The following NME7 variants were observed in gnomAD, a reference collection of about 807,000 sequenced individuals.
NME7 encodes the protein nucleoside diphosphate kinase 7.
NME7 carries 41 observed loss-of-function variants against 49.1 expected under a neutral mutation model. The ratio of observed to expected loss-of-function variants is 0.83; its 90% CI spans 0.65 to 1.08. NME7 has a LOEUF of 1.08. Among genes scored for constraint, NME7 ranks in the 50% least tolerant of loss-of-function variants. NME7 has a pLI of 0.00. For missense variants in NME7, 423 were observed against 463.4 expected (o/e 0.91, Z 0.80); for synonymous variants, 139 against 150.6 (o/e 0.92, Z 0.56).
intron 7 of NME7, among the ~76,000 whole-genome samples, chr1:169,270,462 G>A (rs1454142066): frequency 7.5e-6 from 1 of 133,134 alleles, no homozygotes; most frequent in Non-Finnish European, 1.8e-5. Flanking sequence ...GCTTTAACTG[G>A]GGAAAAAAAT....
At chr1:169,169,639 A>C (rs2101844202) in intron 10 of NME7, 85 bp from the exon 11 acceptor site, 2 of 1,162,176 alleles carry the variant, frequency 1.7e-6, no homozygotes, top group Non-Finnish European at 2.5e-6. Context: ...ACGCTAACTT[A>C]TTTATGAAAT....
intron 10 of NME7, among the ~76,000 whole-genome samples, chr1:169,229,218 C>G (rs1181057398): frequency 4.6e-5 from 7 of 152,212 alleles, no homozygotes; most frequent in Non-Finnish European, 1.0e-4. Context: ...ACCATATTTC[C>G]TCTATCTAAG....
At position 169,355,020 on chromosome 1, in the gene NME7, TA is replaced by T. The variant is rs1435599750; in HGVS notation, c.3+12687del. Among the ~76,000 whole-genome samples the T allele has an allele frequency of 5.2e-3, 221 of 42,848 alleles. 30 individuals are homozygous for T. The highest frequency in any genetic ancestry group is 0.011 in the African/African-American group (172 of 15,172). 28.1% of individuals were successfully genotyped at this position (42,848 alleles called of 152,430 possible). Reference sequence around the variant, plus strand: ...TAATTATATATGTTTATATATAATATAATTATATATTATATATTATAGATAT... The same window carrying T: ...TAATTATATATGTTTATATATAATATATTATATATTATATATTATAGATAT... On this transcript the variant is annotated intron_variant, in intron 1 of 11. Transcript: ENST00000367811.
rs184359028 is a variant in NME7 at position 169,297,743 on chromosome 1, T to A, written c.648+813A>T. ...GTTAATCTGATTTGTCTTTAAAAGA[T>A]CACTGGGCATAGCTGATTTTACTTG... On this transcript the variant is annotated intron_variant, in intron 6 of 11. Coordinates refer to ENST00000367811, the MANE Select transcript of NME7 (RefSeq NM_013330.5). Among the ~76,000 whole-genome samples, 100 of 152,302 alleles carry A rather than the reference T, an allele frequency of 6.6e-4. 1 individual carries two copies. The East Asian group carries it at 0.015, about 23-fold the overall frequency.
In NME7 at chr1:169,323,293, G is replaced by A. The variant is rs768848979; in HGVS notation, c.112-10C>T. 6.4e-7 allele frequency: 1 copy of A among 1,552,538 alleles called. No individual in the cohort carries two copies. The highest frequency in any genetic ancestry group is 8.7e-7 in the Non-Finnish European group (1 of 1,152,664). On this transcript the variant is annotated splice_polypyrimidine_tract_variant and intron_variant, in intron 2 of 11. Coordinates refer to ENST00000367811, the MANE Select transcript of NME7 (RefSeq NM_013330.5). ...GATTCTTTACATCATGCTAGAACCAGACACAACAATATAACAAACAAACAA... is the reference window on the plus strand; with the variant it reads ...GATTCTTTACATCATGCTAGAACCAAACACAACAATATAACAAACAAACAA...
intron 1 of NME7, among the ~76,000 whole-genome samples, chr1:169,353,452 G>A (rs1301462320): frequency 2.6e-5 from 4 of 151,926 alleles, no homozygotes; most frequent in African/African-American, 9.7e-5. Context: ...ACTACTACAA[G>A]AAAACATTGA....
intron 7 of NME7, among the ~76,000 whole-genome samples, chr1:169,250,606 T>C (rs1648525047): frequency 6.6e-6 from 1 of 152,122 alleles, no homozygotes; most frequent in South Asian, 2.1e-4. Context: ...AATGTAGGTA[T>C]TTAGCACTAT....
At chr1:169,252,521 C>T (rs940788779) in intron 7 of NME7, among the ~76,000 whole-genome samples, 1 of 151,928 alleles carries the variant, frequency 6.6e-6, no homozygotes, top group Non-Finnish European at 1.5e-5. Flanking sequence ...TGCCTGTTCA[C>T]TCTGATGGTA....
chr1:169,294,439 T>C (rs1650627642), intron 6 of NME7, among the ~76,000 whole-genome samples: 1 of 152,148 alleles, frequency 6.6e-6, no homozygotes, highest in South Asian at 2.1e-4. Flanking sequence ...AAATAGTGAG[T>C]ATAAGTCTAT....
intron 6 of NME7, among the ~76,000 whole-genome samples, chr1:169,293,110 T>C (rs6691226): frequency 0.63 from 96,134 of 151,694 alleles, 30,744 homozygotes; most frequent in East Asian, 0.92. Context: ...GACTGGGCAA[T>C]ATCACAAGAC....
chr1:169,260,839 T>C lies in NME7; in HGVS notation c.755-23152A>G, dbSNP rs192582119. On this transcript the variant is annotated intron_variant, in intron 7 of 11. Coordinates refer to ENST00000367811, the MANE Select transcript of NME7 (RefSeq NM_013330.5). ...TATGCTCAGCATTAGTTACCATGAGTTCTAAAATGGCATGGTCCTCTAACA... is the reference window on the plus strand; with the variant it reads ...TATGCTCAGCATTAGTTACCATGAGCTCTAAAATGGCATGGTCCTCTAACA... 1.3e-3 allele frequency among the ~76,000 whole-genome samples: 179 copies of C among 133,728 alleles called. 43 individuals carry two copies. The highest frequency in any genetic ancestry group is 2.8e-3 in the Non-Finnish European group (158 of 56,754). The allele number at this position is 133,728 out of a possible 152,430, so 87.7% of individuals were successfully genotyped here. A position where few individuals can be genotyped will look rare whatever the true frequency, so the allele number is the denominator to read the frequency against.
intron 10 of NME7, among the ~76,000 whole-genome samples, chr1:169,183,412 A>T (rs774556591): frequency 2.0e-4 from 31 of 152,340 alleles, no homozygotes; most frequent in Middle Eastern, 3.4e-3. Context: ...ATCTTTATAT[A>T]TGATCTTGAG....
chr1:169,219,744 C>T (rs918706934), intron 10 of NME7, among the ~76,000 whole-genome samples: 1 of 152,112 alleles, frequency 6.6e-6, no homozygotes, highest in Non-Finnish European at 1.5e-5. Flanking sequence ...TCCCAGTATA[C>T]TGAGAGCTTC....
chr1:169,157,051 A>C (rs2101829263), intron 11 of NME7, among the ~76,000 whole-genome samples: 1 of 152,324 alleles, frequency 6.6e-6, no homozygotes, highest in Non-Finnish European at 1.5e-5. Context: ...TGGCCTTTTT[A>C]ATTGATACAT....
chr1:169,192,028 T>A (rs141835710), intron 10 of NME7, among the ~76,000 whole-genome samples: 1 of 152,182 alleles, frequency 6.6e-6, no homozygotes, highest in East Asian at 1.9e-4. Context: ...GCACAGTACA[T>A]GGATGTTTGA....
chr1:169,163,150 G>C (rs1326382874), intron 11 of NME7, among the ~76,000 whole-genome samples: 1 of 152,150 alleles, frequency 6.6e-6, no homozygotes, highest in Non-Finnish European at 1.5e-5. Flanking sequence ...GAAGCAAGGA[G>C]AAAGTAAAAC....
chr1:169,367,416 G>T (rs148977527), intron 1 of NME7, among the ~76,000 whole-genome samples: 1 of 152,298 alleles, frequency 6.6e-6, no homozygotes, highest in East Asian at 1.9e-4. Flanking sequence ...ATGCCATGAT[G>T]AACAATGCAA....
At chr1:169,204,451 T>C (rs1028721747) in intron 10 of NME7, among the ~76,000 whole-genome samples, 3 of 152,098 alleles carry the variant, frequency 2.0e-5, no homozygotes, top group African/African-American at 7.2e-5. Flanking sequence ...TATTGTCTAC[T>C]ATTATACTAT....
chr1:169,265,695 GTT>G (rs545742447), intron 7 of NME7, among the ~76,000 whole-genome samples: 1 of 120,176 alleles, frequency 8.3e-6, no homozygotes. Flanking sequence ...TCCAGGAGTT[GTT>G]TTTTTTTTTA....
Sources: gnomAD v4.1 joint callset for allele counts (sites outside exome capture counted in the v4.1 genomes callset) on GRCh38, gnomAD v4.1.1 for gene constraint, MANE v1.5 for transcripts, NCBI Gene and HGNC (gene_info 2026-07-23, HGNC 2026-07-21) for gene names.